RNPS1: variants seen among roughly 807,000 people sequenced by gnomAD.
RNPS1 encodes the protein RNA-binding protein with serine-rich domain 1.
For missense variants in RNPS1, 300 were observed against 427.6 expected, an observed-to-expected ratio of 0.70 and a Z score of 2.63; for synonymous variants, 147 against 150.0, an observed-to-expected ratio of 0.98 and a Z score of 0.15.
chr16:2,262,691 C>T (rs770244492), intron 5 of RNPS1, 49 bp downstream of exon 5: 1 of 1,503,760 alleles, frequency 6.6e-7, no homozygotes, highest in Admixed American at 1.7e-5. Context: ...CAGGCACAGG[C>T]CTGCTTGTCC....
intron 1 of RNPS1, chr16:2,267,675 C>T: frequency 8.7e-7 from 1 of 1,155,644 alleles, no homozygotes; most frequent in Non-Finnish European, 1.1e-6. Flanking sequence ...CTCCCCCGTC[C>T]AGGCGCCGGG....
intron 1 of RNPS1, 38 bp downstream of exon 1, chr16:2,268,017 C>G (rs2093632580): frequency 4.6e-6 from 7 of 1,533,742 alleles, no homozygotes; most frequent in Non-Finnish European, 4.4e-6. Context: ...CGGGCAGCCC[C>G]CGAAACACGG....
At chr16:2,264,824 A>G in intron 1 of RNPS1, 64 bp from the exon 2 acceptor site, 1 of 1,366,154 alleles carries the variant, frequency 7.3e-7, no homozygotes. Context: ...TCTACTTTGC[A>G]GTCAAAAGCT....
At chr16:2,267,234 C>T in intron 1 of RNPS1, 1 of 985,408 alleles carries the variant, frequency 1.0e-6, no homozygotes, top group Non-Finnish European at 1.2e-6. Context: ...GAAAGGTGCG[C>T]GTCCAACAGC....
rs540564698 is a variant in RNPS1, at chr16:2,266,797, A to C, written c.-118+1258T>G. On this transcript the variant is annotated intron_variant, in intron 1 of 7. Coordinates refer to ENST00000320225, the MANE Select transcript of RNPS1 (RefSeq NM_080594.4). ...CAAAAATGGGTGAAATTAATTTTTA[A>C]CGTTTGACACATCCAAAATATTATC... is the stretch of plus-strand genomic sequence containing the variant. 2.9e-5 allele frequency: 20 copies of C among 683,426 alleles called. No individual in the cohort carries two copies. The East Asian group carries it at 2.1e-3, about 73-fold the overall frequency. The allele number at this position is 683,426 out of a possible 1,614,324, so 42.3% of individuals were successfully genotyped here.
chr16:2,264,469 A>T, intron 2 of RNPS1, 104 bp downstream of exon 2: 1 of 1,521,640 alleles, frequency 6.6e-7, no homozygotes, highest in Non-Finnish European at 9.1e-7. Flanking sequence ...GTGGCTCAGA[A>T]CACTCACTGT....
In RNPS1 at chr16:2,263,204, C is replaced by G; in HGVS notation, c.311G>C (p.Ser104Thr). The G allele has an allele frequency of 6.2e-7, 1 of 1,613,754 alleles. No individual in the cohort carries two copies. Among genetic ancestry groups the G allele is most frequent in the African/African-American group, 1.3e-5 (1 of 74,982 alleles). The change falls in exon 4 of 8, where the codon AGC becomes ACC. Residue 104 changes from serine (S) to threonine (T), a missense_variant. Coordinates refer to ENST00000320225, the MANE Select transcript of RNPS1 (RefSeq NM_080594.4). ...GGAGGTGCTGGAGCTTCCTGAGCGG[C>G]TGGATGCTGAGGAAGAGCTGGAGCC... ...SSGSSSSSAS[S>T]RSGSSSTSRS...
At chr16:2,262,557 T>C in intron 5 of RNPS1, 126 bp from the exon 6 acceptor site, 3 of 1,088,350 alleles carry the variant, frequency 2.8e-6, no homozygotes, top group Non-Finnish European at 4.1e-6. Flanking sequence ...GTACCAGTGT[T>C]GTTCTGGGAT....
At chr16:2,267,611 C>G in intron 1 of RNPS1, 5 of 1,075,778 alleles carry the variant, frequency 4.6e-6, no homozygotes, top group Non-Finnish European at 5.6e-6. Context: ...CCGCGCCCGC[C>G]GACACCGGCC....
intron 1 of RNPS1, chr16:2,267,607 C>T (rs751330517): frequency 1.7e-5 from 18 of 1,073,462 alleles, no homozygotes; most frequent in Non-Finnish European, 1.9e-5. Context: ...AACTCCGCGC[C>T]CGCCGACACC....
At chr16:2,263,039 T>TG in intron 4 of RNPS1, 57 bp downstream of exon 4, 1 of 1,552,762 alleles carries the variant, frequency 6.4e-7, no homozygotes, top group Non-Finnish European at 8.8e-7. Flanking sequence ...ATAACCTCGA[T>TG]GGTAAATCTG....
At chr16:2,267,153 A>G (rs1243583963) in intron 1 of RNPS1, 1 of 981,928 alleles carries the variant, frequency 1.0e-6, no homozygotes, top group African/African-American at 1.7e-5. Context: ...CTAGAAAGCA[A>G]AAGTTGAGGT....
intron 6 of RNPS1, among the ~76,000 whole-genome samples, chr16:2,261,562 CAG>C (rs1040148071): frequency 2.0e-5 from 3 of 152,160 alleles, no homozygotes; most frequent in African/African-American, 7.2e-5. Context: ...TGTGGCAGGC[CAG>C]GTCTCACTAA....
At chr16:2,258,792 G>A (rs2093589807) in intron 6 of RNPS1, 1 of 151,820 alleles carries the variant, frequency 6.6e-6, no homozygotes, top group Non-Finnish European at 1.5e-5. Context: ...TAAAGTTAAA[G>A]GGGTATCATC....
At chr16:2,267,177 A>G in intron 1 of RNPS1, 1 of 985,326 alleles carries the variant, frequency 1.0e-6, no homozygotes. Flanking sequence ...CTGTTCACCC[A>G]AGTTCAGGTA....
chr16:2,257,183 G>A (rs1477550759), intron 6 of RNPS1: 1 of 152,240 alleles, frequency 6.6e-6, no homozygotes, highest in East Asian at 1.9e-4. Flanking sequence ...AGGAACCCCA[G>A]GGGAGCATGC....
chr16:2,259,279 T>C (rs1403535826), intron 6 of RNPS1, among the ~76,000 whole-genome samples: 2 of 152,216 alleles, frequency 1.3e-5, no homozygotes, highest in Non-Finnish European at 2.9e-5. Flanking sequence ...TAAATGTTAT[T>C]GATATGTGTC....
At chr16:2,254,119 C>G in intron 7 of RNPS1, 56 bp from the exon 8 acceptor site, 2 of 1,268,092 alleles carry the variant, frequency 1.6e-6, no homozygotes, top group South Asian at 1.6e-5. Flanking sequence ...GGCAAGCTAG[C>G]TTCTTTCTGG....
intron 6 of RNPS1, among the ~76,000 whole-genome samples, chr16:2,260,738 G>A (rs1335241702): frequency 2.0e-5 from 3 of 152,184 alleles, no homozygotes; most frequent in African/African-American, 7.2e-5. Context: ...TTGCTCCACT[G>A]TATACAAATA....
Sources: gnomAD v4.1 joint callset for allele counts (sites outside exome capture counted in the v4.1 genomes callset) on GRCh38, gnomAD v4.1.1 for gene constraint, MANE v1.5 for transcripts, NCBI Gene and HGNC (gene_info 2026-07-23, HGNC 2026-07-21) for gene names.